The following EPM2A variants were observed in gnomAD, a reference collection of about 807,000 sequenced individuals.
EPM2A encodes the protein laforin.
EPM2A carries 21 observed loss-of-function variants against 26.5 expected under a neutral mutation model. That is an observed-to-expected ratio of 0.79 (90% CI 0.56 to 1.14). EPM2A has a LOEUF of 1.14. EPM2A is among the 50% of genes most tolerant of loss of function. The probability of loss-of-function intolerance (pLI) is 0.00; values close to 1 mark genes in which losing one functional copy is unlikely to be tolerated. For synonymous variants in EPM2A, 217 were observed against 177.6 expected (o/e 1.22, Z -1.76); for missense variants, 458 against 440.8 (o/e 1.04, Z -0.35).
Position 145,627,122 on chromosome 6 carries a change from C to T in EPM2A, c.*294G>A. On this transcript the variant is annotated 3_prime_UTR_variant, in exon 4 of 4. Transcript: ENST00000367519. Reference sequence around the variant, plus strand: ...CACATACAGTGCTGTAAAGCAAAGGCCTCGTCTGCCTGCAGGCAGCAGGAA... The same window carrying T: ...CACATACAGTGCTGTAAAGCAAAGGTCTCGTCTGCCTGCAGGCAGCAGGAA... The T allele has an allele frequency of 7.6e-7, 1 of 1,313,804 alleles. No homozygotes were observed. The highest frequency in any genetic ancestry group is 9.8e-7 in the Non-Finnish European group (1 of 1,023,934). 81.4% of individuals were successfully genotyped at this position (1,313,804 alleles called of 1,614,324 possible).
chr6:145,396,600 C>T (rs951428519), intron 4 of EPM2A, among the ~76,000 whole-genome samples: 5 of 108,268 alleles, frequency 4.6e-5, no homozygotes, highest in Non-Finnish European at 2.2e-5. Flanking sequence ...ATAAACTTTG[C>T]AATGTCTGCC....
At chr6:145,541,777 T>A (rs1780513972) in intron 2 of EPM2A, among the ~76,000 whole-genome samples, 1 of 152,168 alleles carries the variant, frequency 6.6e-6, no homozygotes, top group Admixed American at 6.5e-5. Flanking sequence ...TCTTTAATTT[T>A]GATATATTAT....
At chr6:145,604,129 G>A (rs911807357) in intron 2 of EPM2A, among the ~76,000 whole-genome samples, 4 of 152,050 alleles carry the variant, frequency 2.6e-5, no homozygotes, top group East Asian at 1.9e-4. Context: ...ACAATAAAAT[G>A]TTTGTTCAGT....
At chr6:145,649,446 C>T (rs965046275) in intron 2 of EPM2A, among the ~76,000 whole-genome samples, 14 of 152,108 alleles carry the variant, frequency 9.2e-5, no homozygotes, top group African/African-American at 3.1e-4. Flanking sequence ...AATATTATAC[C>T]CTAAAAAAGT....
chr6:145,691,878 G>A (rs530578153), intron 1 of EPM2A, among the ~76,000 whole-genome samples: 5 of 151,876 alleles, frequency 3.3e-5, no homozygotes, highest in Non-Finnish European at 7.4e-5. Context: ...GGCAAACTTA[G>A]GCTCTAACAT....
intron 2 of EPM2A, among the ~76,000 whole-genome samples, chr6:145,582,220 G>GTTTAAT (rs1781124257): frequency 6.6e-6 from 1 of 151,990 alleles, no homozygotes; most frequent in African/African-American, 2.4e-5. Context: ...AGGAGCAGTT[G>GTTTAAT]TTTAATTTCC....
At position 145,653,203 on chromosome 6, in the gene EPM2A, C is replaced by T. The variant is rs143024879; in HGVS notation, c.477-17717G>A. The stretch of plus-strand genomic sequence containing the variant: ...TTGAAGGAGGGACCTGTAATCCCCA[C>T]GTATTGATGGAGGAAGGTGATTGGA... On this transcript the variant is annotated intron_variant, in intron 2 of 3. Transcript: ENST00000367519. Among the ~76,000 whole-genome samples the T allele has an allele frequency of 7.0e-3, 1,072 of 152,278 alleles. 7 individuals carry two copies. Among genetic ancestry groups the T allele is most frequent in the Non-Finnish European group, 7.6e-3 (518 of 68,022 alleles).
At chr6:145,735,738 C>G (rs564964917), upstream of EPM2A, 36 of 740,062 alleles carry the variant, frequency 4.9e-5, no homozygotes, top group Non-Finnish European at 5.8e-5. Context: ...CCCCGCAACC[C>G]CGCGGGCGGT....
intron 2 of EPM2A, among the ~76,000 whole-genome samples, chr6:145,590,589 A>C (rs1157662281): frequency 6.6e-6 from 1 of 152,172 alleles, no homozygotes; most frequent in African/African-American, 2.4e-5. Context: ...TATAATAATA[A>C]TAGATTGCAC....
intron 4 of EPM2A, among the ~76,000 whole-genome samples, chr6:145,485,273 A>AGTTT (rs1382983447): frequency 1.3e-5 from 2 of 152,066 alleles, no homozygotes; most frequent in Non-Finnish European, 2.9e-5. Flanking sequence ...ATCAAGGAGA[A>AGTTT]GTTTCAAAAG....
intron 4 of EPM2A, among the ~76,000 whole-genome samples, chr6:145,455,486 C>T (rs1445898935): frequency 1.3e-5 from 2 of 152,026 alleles, no homozygotes; most frequent in Admixed American, 6.6e-5. Context: ...GCCTCCTGAG[C>T]AGCTGGAATT....
At chr6:145,696,703 A>T (rs1781589101) in intron 1 of EPM2A, among the ~76,000 whole-genome samples, 1 of 151,850 alleles carries the variant, frequency 6.6e-6, no homozygotes, top group Non-Finnish European at 1.5e-5. Flanking sequence ...AATTTGGAGG[A>T]TCAGGAAAGA....
At chr6:145,579,169 G>T (rs914666773) in intron 2 of EPM2A, among the ~76,000 whole-genome samples, 3 of 141,864 alleles carry the variant, frequency 2.1e-5, no homozygotes, top group African/African-American at 8.0e-5. Context: ...AATAATAAAA[G>T]AAAAAATAAT....
At chr6:145,695,074 A>T (rs1004218921) in intron 1 of EPM2A, among the ~76,000 whole-genome samples, 25 of 152,056 alleles carry the variant, frequency 1.6e-4, no homozygotes, top group African/African-American at 6.0e-4. Flanking sequence ...TTAAAAGACA[A>T]AACTATTAAA....
chr6:145,713,137 CCTGAAT>C (rs1486440996), intron 1 of EPM2A, among the ~76,000 whole-genome samples: 1 of 152,126 alleles, frequency 6.6e-6, no homozygotes, highest in Non-Finnish European at 1.5e-5. Context: ...TACATCTTTT[CCTGAAT>C]CTGAGATTTC....
At chr6:145,465,536 A>G (rs1194027428) in intron 4 of EPM2A, among the ~76,000 whole-genome samples, 2 of 148,984 alleles carry the variant, frequency 1.3e-5, no homozygotes, top group Non-Finnish European at 3.0e-5. Context: ...TTTGGAGAGG[A>G]GAGGCGCTCT....
chr6:145,435,172 T>C (rs1778973649), intron 4 of EPM2A, among the ~76,000 whole-genome samples: 1 of 152,100 alleles, frequency 6.6e-6, no homozygotes, highest in East Asian at 1.9e-4. Context: ...TAACTAAAAA[T>C]TTAGACATAG....
At chr6:145,595,877 GACA>G (rs1417508386) in intron 2 of EPM2A, among the ~76,000 whole-genome samples, 1 of 151,902 alleles carries the variant, frequency 6.6e-6, no homozygotes, top group African/African-American at 2.4e-5. Flanking sequence ...GTGCAATAAT[GACA>G]ACAATAGTGT....
chr6:145,502,557 T>A, exon 3 of EPM2A: 1 of 470,854 alleles, frequency 2.1e-6, no homozygotes, highest in Non-Finnish European at 4.4e-6. Context: ...GCAGCACATG[T>A]CAGCTGTCCT....
Sources: gnomAD v4.1 joint callset for allele counts (sites outside exome capture counted in the v4.1 genomes callset) on GRCh38, gnomAD v4.1.1 for gene constraint, MANE v1.5 for transcripts, NCBI Gene and HGNC (gene_info 2026-07-23, HGNC 2026-07-21) for gene names.